Variants in MYRFL observed in about 807,000 individuals in gnomAD.
MYRFL encodes myelin regulatory factor like.
In MYRFL, 88 loss-of-function variants were observed where a neutral mutation model predicts 109.4. The ratio of observed to expected loss-of-function variants is 0.80; its 90% CI spans 0.68 to 0.96. The LOEUF (loss-of-function observed/expected upper bound fraction) is 0.96, where lower values mean the gene tolerates loss of function less well. MYRFL is among the 40% of genes least tolerant of loss of function. The pLI is 0.00. For missense variants in MYRFL, 957 were observed against 954.9 expected (o/e 1.00, Z -0.03); for synonymous variants, 324 against 320.9 (o/e 1.01, Z -0.10).
At chr12:69,928,958 T>G (rs1955185466) in intron 15 of MYRFL, among the ~76,000 whole-genome samples, 1 of 152,142 alleles carries the variant, frequency 6.6e-6, no homozygotes, top group African/African-American at 2.4e-5. Context: ...AAATAAGAGA[T>G]TCTCTTTATT....
intron 19 of MYRFL, 80 bp downstream of exon 19, chr12:69,936,712 TTAATGGTTCCAGA>T (rs1466811840): frequency 1.6e-6 from 2 of 1,279,236 alleles, no homozygotes; most frequent in Non-Finnish European, 2.1e-6. Context: ...TAGATGGTCA[TTAATGGTTCCAGA>T]TAATGGTTCC....
intron 5 of MYRFL, among the ~76,000 whole-genome samples, chr12:69,882,238 T>C (rs1297305159): frequency 2.6e-5 from 4 of 151,818 alleles, no homozygotes; most frequent in African/African-American, 9.7e-5. Context: ...AAAAGCTGAC[T>C]AAAGATAACT....
chr12:69,945,714 G>A (rs971232726), intron 19 of MYRFL, among the ~76,000 whole-genome samples: 2 of 152,088 alleles, frequency 1.3e-5, no homozygotes, highest in Non-Finnish European at 1.5e-5. Context: ...TAGGCTGGGC[G>A]CGGTGGCTCA....
intron 10 of MYRFL, among the ~76,000 whole-genome samples, chr12:69,899,541 A>G (rs1253024196): frequency 6.6e-6 from 1 of 152,208 alleles, no homozygotes; most frequent in Non-Finnish European, 1.5e-5. Flanking sequence ...TTTGACAAAG[A>G]CACTACAAGC....
In MYRFL at chr12:69,855,291, A is replaced by G. The variant is rs565609654; in HGVS notation, c.58A>G (p.Asn20Asp). ...ATTTGCCTTTGCAGCTCAGGGAGCC[A>G]ATGGTACTCTGGAGAACCCAGCCCT... is the stretch of plus-strand genomic sequence containing the variant. ...LQQFFEAQGA[N>D]GTLENPALDT... is the part of the protein sequence containing the mutation. The change falls in exon 2 of 25, where the codon AAT becomes GAT. Residue 20 changes from asparagine (N) to aspartate (D), a missense_variant. By Grantham distance (23) the Asn-to-Asp change is conservative. Coordinates refer to ENST00000552032, the MANE Select transcript of MYRFL (RefSeq NM_182530.3). The G allele has an allele frequency of 1.4e-6, 1 of 702,486 alleles. No homozygotes were observed. The highest frequency in any genetic ancestry group is 2.7e-5 in the East Asian group (1 of 37,290). 43.5% of individuals were successfully genotyped at this position (702,486 alleles called of 1,614,324 possible). A position where few individuals can be genotyped will look rare whatever the true frequency, so the allele number is the denominator to read the frequency against.
At chr12:69,906,239 A>T (rs1044185413) in intron 11 of MYRFL, among the ~76,000 whole-genome samples, 2 of 152,178 alleles carry the variant, frequency 1.3e-5, no homozygotes, top group African/African-American at 4.8e-5. Flanking sequence ...TCTGATGCTC[A>T]CAGGGACACA....
At chr12:69,952,399 G>A (rs1371293856) in intron 20 of MYRFL, among the ~76,000 whole-genome samples, 2 of 152,128 alleles carry the variant, frequency 1.3e-5, no homozygotes, top group African/African-American at 4.8e-5. Flanking sequence ...CTCCATGGAT[G>A]TTCATAATTT....
At chr12:69,843,280 AT>A (rs2136317434) in intron 1 of MYRFL, among the ~76,000 whole-genome samples, 1 of 152,318 alleles carries the variant, frequency 6.6e-6, no homozygotes, top group Non-Finnish European at 1.5e-5. Flanking sequence ...GAGGGAAACT[AT>A]GTTTAAATCC....
chr12:69,889,547 A>C (rs1413019127), intron 6 of MYRFL, among the ~76,000 whole-genome samples: 1 of 152,106 alleles, frequency 6.6e-6, no homozygotes, highest in Non-Finnish European at 1.5e-5. Flanking sequence ...TTTGAGCATC[A>C]TGTAGGTGTT....
At chr12:69,916,464 T>G (rs1390677270) in intron 13 of MYRFL, among the ~76,000 whole-genome samples, 1 of 152,162 alleles carries the variant, frequency 6.6e-6, no homozygotes, top group Non-Finnish European at 1.5e-5. Context: ...TGATATGCAG[T>G]TAAACACTCA....
rs754843682 is a variant in MYRFL, at chr12:69,870,099, C to CTTTTTTTTTTTTTT, written c.138-8915_138-8902dup. ...GCTAAGAATCTCTTGATTTTTCTTC[C>CTTTTTTTTTTTTTT]TTTTTTTTTTTTTTTTTTTTTTTTT... On this transcript the variant is annotated intron_variant, in intron 2 of 24. Coordinates refer to ENST00000552032, the MANE Select transcript of MYRFL (RefSeq NM_182530.3). 2.5e-4 allele frequency among the ~76,000 whole-genome samples: 20 copies of CTTTTTTTTTTTTTT among 81,328 alleles called. 2 individuals are homozygous for CTTTTTTTTTTTTTT. Among genetic ancestry groups the CTTTTTTTTTTTTTT allele is most frequent in the African/African-American group, 9.8e-4 (19 of 19,364 alleles). 53.4% of individuals were successfully genotyped at this position (81,328 alleles called of 152,430 possible).
chr12:69,915,934 A>T (rs558806750), intron 13 of MYRFL, among the ~76,000 whole-genome samples: 4 of 152,118 alleles, frequency 2.6e-5, no homozygotes, highest in Non-Finnish European at 5.9e-5. Context: ...AGTAAATATA[A>T]GTACTGCCTT....
intron 2 of MYRFL, among the ~76,000 whole-genome samples, chr12:69,858,786 G>A (rs1297118279): frequency 1.3e-5 from 2 of 151,496 alleles, no homozygotes; most frequent in Non-Finnish European, 3.0e-5. Flanking sequence ...GATTCAAATA[G>A]GTAGCTTTTG....
In MYRFL at chr12:69,926,691, C is replaced by T; in HGVS notation, c.1723C>T (p.Leu575Phe). The T allele has an allele frequency of 6.6e-7, 1 of 1,517,834 alleles. No individual in the cohort carries two copies. The highest frequency in any genetic ancestry group is 8.8e-7 in the Non-Finnish European group (1 of 1,136,486). The allele number at this position is 1,517,834 out of a possible 1,614,324, so 94.0% of individuals were successfully genotyped here. ...WNRKLARLKR[L>F]SSWKSSASEA... ...CAGAAAGCTGGCCCGGCTAAAGCGG[C>T]TCAGTAGTTGGAAGTCATCAGCCAG... The change falls in exon 14 of 25, where the codon CTC (leucine) becomes TTC (phenylalanine). Residue 575 changes from leucine (L) to phenylalanine (F), a missense_variant. By Grantham distance (22) the Leu-to-Phe change is conservative. Coordinates refer to ENST00000552032, the MANE Select transcript of MYRFL (RefSeq NM_182530.3).
intron 1 of MYRFL, among the ~76,000 whole-genome samples, chr12:69,850,816 T>C (rs935115541): frequency 1.3e-5 from 2 of 152,186 alleles, no homozygotes; most frequent in African/African-American, 2.4e-5. Flanking sequence ...TCTGTATTCT[T>C]TGTTTTTTTT....
intron 5 of MYRFL, among the ~76,000 whole-genome samples, chr12:69,883,534 A>G (rs1259222400): frequency 6.6e-6 from 1 of 152,100 alleles, no homozygotes; most frequent in Non-Finnish European, 1.5e-5. Flanking sequence ...TTGCAACACT[A>G]ATGAATGAAT....
chr12:69,954,456 AT>A (rs1956053272), intron 21 of MYRFL, among the ~76,000 whole-genome samples: 1 of 152,062 alleles, frequency 6.6e-6, no homozygotes, highest in South Asian at 2.1e-4. Context: ...TTGCACTCTT[AT>A]TTTTTTCAGC....
Position 69,958,297 on chromosome 12 carries a change from A to T in MYRFL, c.2620A>T (p.Met874Leu). The T allele has an allele frequency of 6.5e-7, 1 of 1,536,444 alleles. No homozygotes were observed. The highest frequency in any genetic ancestry group is 8.7e-7 in the Non-Finnish European group (1 of 1,146,986). ...SLPVAPFSDS[M>L]FHFRVAAPDL... ...CCCTGTAGCCCCATTTTCTGACAGC[A>T]TGTTCCATTTCCGTGTAGCTGCACC... The change falls in exon 24 of 25, where the codon ATG (methionine) becomes TTG (leucine). Residue 874 changes from methionine (M) to leucine (L), a missense_variant. Met to Leu is a conservative substitution (Grantham distance 15). Coordinates refer to ENST00000552032, the MANE Select transcript of MYRFL (RefSeq NM_182530.3).
chr12:69,957,758 T>C, intron 22 of MYRFL, 64 bp from the exon 23 acceptor site: 8 of 1,469,812 alleles, frequency 5.4e-6, no homozygotes, highest in Non-Finnish European at 6.3e-6. Context: ...CTTATCAAGA[T>C]GTATCCTAGT....
Sources: gnomAD v4.1 joint callset for allele counts (sites outside exome capture counted in the v4.1 genomes callset) on GRCh38, gnomAD v4.1.1 for gene constraint, MANE v1.5 for transcripts, NCBI Gene and HGNC (gene_info 2026-07-23, HGNC 2026-07-21) for gene names.